The following FARS2 variants were observed in gnomAD, a reference collection of about 807,000 sequenced individuals.
The protein encoded by FARS2 is phenylalanine--tRNA ligase, mitochondrial.
Under a neutral mutation model 46.4 loss-of-function variants are expected in FARS2, and 40 were observed. The observed-to-expected ratio is 0.86, with a 90% confidence interval of 0.67 to 1.12. FARS2 has a LOEUF of 1.12. Among genes scored for constraint, FARS2 ranks in the 50% most tolerant of loss-of-function variants. The pLI is 0.00. For missense variants in FARS2, 513 were observed against 567.9 expected (o/e 0.90, Z 0.98); for synonymous variants, 234 against 214.9 (o/e 1.09, Z -0.78).
At chr6:5,572,283 G>T (rs556213736) in intron 5 of FARS2, among the ~76,000 whole-genome samples, 15 of 152,190 alleles carry the variant, frequency 9.9e-5, no homozygotes, top group African/African-American at 3.6e-4. Flanking sequence ...TATAGTGAAG[G>T]CAGGAGCAAG....
intron 6 of FARS2, among the ~76,000 whole-genome samples, chr6:5,758,363 A>T (rs1389280416): frequency 6.6e-6 from 1 of 152,240 alleles, no homozygotes; most frequent in Non-Finnish European, 1.5e-5. Flanking sequence ...GCCATTTGCA[A>T]AAATGAAGTC....
chr6:5,460,968 G>C (rs762339855), intron 4 of FARS2, among the ~76,000 whole-genome samples: 6 of 149,904 alleles, frequency 4.0e-5, no homozygotes, highest in Non-Finnish European at 4.5e-5. Context: ...CACCAGGGCT[G>C]TGTGTGTGTG....
intron 4 of FARS2, among the ~76,000 whole-genome samples, chr6:5,539,384 G>GTGTGTATGTGTATATATATATATA: frequency 1.0e-4 from 8 of 79,586 alleles, no homozygotes; most frequent in African/African-American, 3.7e-4. Context: ...TTTTTTTTGT[G>GTGTGTATGTGTATATATATATATA]TATATATATA....
intron 4 of FARS2, among the ~76,000 whole-genome samples, chr6:5,511,407 G>A (rs2150403572): frequency 6.6e-6 from 1 of 152,242 alleles, no homozygotes; most frequent in African/African-American, 2.4e-5. Flanking sequence ...ATTTTTAGGT[G>A]CACATGCCTG....
chr6:5,463,516 C>T (rs964758369), intron 4 of FARS2, among the ~76,000 whole-genome samples: 2 of 152,052 alleles, frequency 1.3e-5, no homozygotes, highest in Non-Finnish European at 2.9e-5. Flanking sequence ...GTTTTGTGGC[C>T]TCGTCTTTGT....
chr6:5,333,858 C>T (rs984317325), intron 1 of FARS2, among the ~76,000 whole-genome samples: 1 of 152,176 alleles, frequency 6.6e-6, no homozygotes, highest in African/African-American at 2.4e-5. Flanking sequence ...TGCATCATCC[C>T]TGTTTGCTTC....
chr6:5,525,971 G>A (rs920313604), intron 4 of FARS2, among the ~76,000 whole-genome samples: 3 of 152,208 alleles, frequency 2.0e-5, no homozygotes, highest in African/African-American at 7.2e-5. Flanking sequence ...TAACCCTATT[G>A]ATTTGTTTTC....
At chr6:5,654,255 C>T (rs1289996340) in intron 6 of FARS2, among the ~76,000 whole-genome samples, 1 of 152,176 alleles carries the variant, frequency 6.6e-6, no homozygotes, top group African/African-American at 2.4e-5. Context: ...CTTTCTGGAC[C>T]ACCCTACTTG....
intron 4 of FARS2, among the ~76,000 whole-genome samples, chr6:5,462,167 T>G (rs996356219): frequency 3.3e-5 from 5 of 152,222 alleles, no homozygotes; most frequent in Non-Finnish European, 5.9e-5. Context: ...TTAAGCATCT[T>G]TTCATATGCT....
chr6:5,483,712 T>C (rs1004563285), intron 4 of FARS2, among the ~76,000 whole-genome samples: 1 of 151,680 alleles, frequency 6.6e-6, no homozygotes, highest in Non-Finnish European at 1.5e-5. Context: ...TAAATAAAGC[T>C]TGTGTTAAGG....
At chr6:5,613,137 T>A (rs1240336581) in intron 5 of FARS2, 32 bp from the exon 6 acceptor site, 1 of 1,590,634 alleles carries the variant, frequency 6.3e-7, no homozygotes, top group Non-Finnish European at 8.6e-7. Context: ...AACTAACAAG[T>A]TCATGTATCT....
chr6:5,254,974 C>T, the FARS2 span, among the ~76,000 whole-genome samples: 1 of 152,166 alleles, frequency 6.6e-6, no homozygotes, highest in East Asian at 1.9e-4. Context: ...CTGGGTTCTG[C>T]CATAACCACT....
rs182162593 is a variant in FARS2, at chr6:5,687,807, T to C, written c.1217+74487T>C. ...ACCTTGGGCAGTATGGCCATTTTCA[T>C]GATATTGATTCTTCCTACCCATGAG... On this transcript the variant is annotated intron_variant, in intron 6 of 6. Coordinates refer to ENST00000274680, the MANE Select transcript of FARS2 (RefSeq NM_006567.5). Among the ~76,000 whole-genome samples the C allele has an allele frequency of 1.2e-3, 187 of 152,334 alleles. 1 individual carries two copies. Among genetic ancestry groups the C allele is most frequent in the Non-Finnish European group, 2.3e-3 (156 of 68,032 alleles).
chr6:5,429,950 A>G (rs1002448680), intron 3 of FARS2, among the ~76,000 whole-genome samples: 2 of 151,806 alleles, frequency 1.3e-5, no homozygotes, highest in African/African-American at 2.4e-5. Context: ...TTTTTCCCGA[A>G]TCTATGAAAT....
intron 5 of FARS2, among the ~76,000 whole-genome samples, chr6:5,582,653 A>G (rs553417888): frequency 8.5e-5 from 13 of 152,368 alleles, no homozygotes; most frequent in Middle Eastern, 3.4e-3. Flanking sequence ...TTGCTACCAG[A>G]TAACTCTAAG....
At chr6:5,371,249 G>T (rs999411310) in intron 2 of FARS2, 13 of 868,194 alleles carry the variant, frequency 1.5e-5, no homozygotes, top group African/African-American at 3.6e-5. Context: ...TACTAACTCT[G>T]ACCTAATCTT....
At chr6:5,372,816 G>A (rs1759139819) in intron 2 of FARS2, among the ~76,000 whole-genome samples, 2 of 151,870 alleles carry the variant, frequency 1.3e-5, no homozygotes, top group African/African-American at 2.4e-5. Context: ...TAGCTAAAAG[G>A]GTATTTGTCA....
the FARS2 span, among the ~76,000 whole-genome samples, chr6:5,253,853 C>T: frequency 2.0e-5 from 3 of 149,998 alleles, no homozygotes; most frequent in Admixed American, 1.3e-4. Flanking sequence ...AAAAAACCAT[C>T]GTTTTGAAGT....
At chr6:5,523,216 C>T (rs1039889908) in intron 4 of FARS2, among the ~76,000 whole-genome samples, 4 of 152,142 alleles carry the variant, frequency 2.6e-5, no homozygotes, top group African/African-American at 9.7e-5. Context: ...GCAAAGCTTC[C>T]GTCTTCCGTC....
Sources: gnomAD v4.1 joint callset for allele counts (sites outside exome capture counted in the v4.1 genomes callset) on GRCh38, gnomAD v4.1.1 for gene constraint, MANE v1.5 for transcripts, NCBI Gene and HGNC (gene_info 2026-07-23, HGNC 2026-07-21) for gene names.